The following MYT1L variants were observed in gnomAD, a reference collection of about 807,000 sequenced individuals.
MYT1L encodes the protein myelin transcription factor 1-like protein.
Under a neutral mutation model 126.7 loss-of-function variants are expected in MYT1L, and 12 were observed. The observed-to-expected ratio is 0.09, with a 90% CI of 0.06 to 0.15. The LOEUF (loss-of-function observed/expected upper bound fraction) is 0.15. Ranked by LOEUF, MYT1L falls within the 10% of genes least tolerant of loss-of-function variation. MYT1L has a pLI of 1.00. For missense variants in MYT1L, 979 were observed against 1,585.2 expected (o/e 0.62, Z 6.49); for synonymous variants, 541 against 604.2 (o/e 0.90, Z 1.53).
intron 3 of MYT1L, among the ~76,000 whole-genome samples, chr2:2,120,466 G>A (rs2080838905): frequency 6.6e-6 from 1 of 151,776 alleles, no homozygotes; most frequent in African/African-American, 2.4e-5. Flanking sequence ...TCCTATTAAG[G>A]CCTTTTTTAT....
At chr2:2,187,407 C>A (rs146255015) in intron 2 of MYT1L, among the ~76,000 whole-genome samples, 2 of 151,934 alleles carry the variant, frequency 1.3e-5, no homozygotes, top group African/African-American at 4.8e-5. Flanking sequence ...TTTCATTCGC[C>A]GTCAACACAA....
chr2:1,985,900 GC>G (rs989230077), intron 5 of MYT1L, among the ~76,000 whole-genome samples: 2 of 152,176 alleles, frequency 1.3e-5, no homozygotes, highest in Non-Finnish European at 2.9e-5. Flanking sequence ...CTCAATGGGT[GC>G]CCCCAGCCTC....
At chr2:2,001,711 G>A (rs930441378) in intron 4 of MYT1L, among the ~76,000 whole-genome samples, 6 of 152,190 alleles carry the variant, frequency 3.9e-5, no homozygotes, top group African/African-American at 1.4e-4. Context: ...AGGGTGTCCT[G>A]AAGTAATTCA....
chr2:2,329,097 A>G (rs1209894426), intron 1 of MYT1L, among the ~76,000 whole-genome samples: 2 of 152,240 alleles, frequency 1.3e-5, no homozygotes, highest in African/African-American at 4.8e-5. Flanking sequence ...TGCTCACAAT[A>G]GCTCACTCCA....
chr2:2,181,076 TTGTG>T (rs768134305), intron 2 of MYT1L, among the ~76,000 whole-genome samples: 7 of 150,908 alleles, frequency 4.6e-5, no homozygotes, highest in Non-Finnish European at 5.9e-5. Flanking sequence ...GTGTGTGTGC[TTGTG>T]TATGTACCTG....
chr2:2,123,921 C>T (rs997037547), intron 3 of MYT1L, among the ~76,000 whole-genome samples: 7 of 152,176 alleles, frequency 4.6e-5, no homozygotes, highest in Non-Finnish European at 1.0e-4. Context: ...GCGGCTGCCG[C>T]TGGACACTGG....
chr2:1,991,326 G>A (rs2061439341), intron 5 of MYT1L, among the ~76,000 whole-genome samples: 1 of 152,114 alleles, frequency 6.6e-6, no homozygotes, highest in East Asian at 1.9e-4. Flanking sequence ...TCTTTTTGGA[G>A]ACTCTGCTAC....
chr2:2,190,867 C>A (rs1479061313), intron 2 of MYT1L, among the ~76,000 whole-genome samples: 1 of 152,200 alleles, frequency 6.6e-6, no homozygotes, highest in Admixed American at 6.5e-5. Context: ...CTCACCACAA[C>A]CTCCACCTCC....
intron 14 of MYT1L, among the ~76,000 whole-genome samples, chr2:1,899,494 C>T (rs2148931230): frequency 6.6e-6 from 1 of 152,330 alleles, no homozygotes; most frequent in Non-Finnish European, 1.5e-5. Flanking sequence ...CAAGTGGATG[C>T]TCAGTCCTCC....
intron 2 of MYT1L, among the ~76,000 whole-genome samples, chr2:2,259,967 G>A (rs952944198): frequency 1.3e-5 from 2 of 152,208 alleles, no homozygotes; most frequent in Non-Finnish European, 2.9e-5. Flanking sequence ...TCCTTCACAT[G>A]GCTCTTCCAC....
At chr2:2,083,702 T>C (rs2076070760) in intron 3 of MYT1L, among the ~76,000 whole-genome samples, 1 of 152,156 alleles carries the variant, frequency 6.6e-6, no homozygotes, top group Non-Finnish European at 1.5e-5. Context: ...GAATCAGCAC[T>C]GGGGCCAGGG....
chr2:2,300,730 G>C (rs2095769448), intron 1 of MYT1L, among the ~76,000 whole-genome samples: 1 of 152,162 alleles, frequency 6.6e-6, no homozygotes, highest in South Asian at 2.1e-4. Context: ...AAATCCACGC[G>C]ATGATTCTTA....
intron 13 of MYT1L, among the ~76,000 whole-genome samples, chr2:1,905,497 TCTCCC>T: frequency 6.6e-6 from 1 of 151,572 alleles, no homozygotes; most frequent in African/African-American, 2.4e-5. Flanking sequence ...GGGATTACAG[TCTCCC>T]GCCACCATGC....
intron 14 of MYT1L, among the ~76,000 whole-genome samples, chr2:1,900,736 C>T (rs372611477): frequency 5.3e-5 from 8 of 152,172 alleles, no homozygotes; most frequent in Non-Finnish European, 8.8e-5. Flanking sequence ...AGTGGAGGGC[C>T]GGCTCATTTT....
At position 1,852,070 on chromosome 2, in the gene MYT1L, G is replaced by A. The variant is rs985187576; in HGVS notation, c.2712-367C>T. The stretch of plus-strand genomic sequence containing the variant: ...AGGGCTTGTTACTGCACCAGCCCAC[G>A]TGGGAAGCAAGGCTCACACATGAAC... On this transcript the variant is annotated intron_variant, in intron 18 of 24. Transcript: ENST00000647738. This position sits in a 1 kb window ranked among gnomAD's most constrained non-coding sequence, Gnocchi z 4.0. 2.6e-5 allele frequency among the ~76,000 whole-genome samples: 4 copies of A among 152,186 alleles called. No homozygotes were observed. The highest frequency in any genetic ancestry group is 1.9e-4 in the East Asian group (1 of 5,188).
At chr2:2,001,568 T>C (rs1047201270) in intron 4 of MYT1L, among the ~76,000 whole-genome samples, 1 of 152,208 alleles carries the variant, frequency 6.6e-6, no homozygotes, top group African/African-American at 2.4e-5. Flanking sequence ...TGGTGCCACA[T>C]TGTCCCTGTT....
chr2:1,957,642 T>C (rs943253366), intron 8 of MYT1L, among the ~76,000 whole-genome samples: 3 of 152,228 alleles, frequency 2.0e-5, no homozygotes, highest in African/African-American at 4.8e-5. Context: ...GTCATCTATC[T>C]ATCGTTATCA....
chr2:1,995,148 G>A (rs772604992), intron 5 of MYT1L, among the ~76,000 whole-genome samples: 35 of 151,766 alleles, frequency 2.3e-4, no homozygotes, highest in Non-Finnish European at 4.6e-4. Flanking sequence ...TTACTGTGTC[G>A]TTTTAGCTTT....
chr2:1,944,107 T>TTTA (rs1258184199), intron 8 of MYT1L, among the ~76,000 whole-genome samples: 4 of 152,156 alleles, frequency 2.6e-5, no homozygotes, highest in Admixed American at 2.0e-4. Context: ...TTTTCTTTTT[T>TTTA]TTATTATTAT....
Sources: gnomAD v4.1 joint callset for allele counts (sites outside exome capture counted in the v4.1 genomes callset) on GRCh38, gnomAD v4.1.1 for gene constraint, Gnocchi (gnomAD v3.1) non-coding constraint, MANE v1.5 for transcripts, NCBI Gene and HGNC (gene_info 2026-07-23, HGNC 2026-07-21) for gene names.